Variants in PLEKHA2 observed in about 807,000 individuals in gnomAD.
The protein encoded by PLEKHA2 is pleckstrin homology domain-containing family A member 2.
A neutral mutation model predicts 53.2 loss-of-function variants in PLEKHA2; 28 were observed. That is an observed-to-expected ratio of 0.53 (90% confidence interval 0.39 to 0.72). The LOEUF is 0.72. PLEKHA2 is among the 30% of genes least tolerant of loss of function. PLEKHA2 has a pLI of 0.00. For synonymous variants in PLEKHA2, 193 were observed against 196.4 expected, an observed-to-expected ratio of 0.98 and a Z score of 0.14; for missense variants, 426 against 537.9, an observed-to-expected ratio of 0.79 and a Z score of 2.06.
chr8:38,949,733 TTTC>T (rs1834790417), intron 5 of PLEKHA2, among the ~76,000 whole-genome samples: 1 of 152,232 alleles, frequency 6.6e-6, no homozygotes, highest in Non-Finnish European at 1.5e-5. Context: ...GTAATATGTT[TTTC>T]TTTTTAGTTG....
rs1434993035 is a variant in PLEKHA2 at position 38,970,797 on chromosome 8, T to A, written c.*1014T>A. 1 of 152,216 alleles carries A rather than the reference T, an allele frequency of 6.6e-6. No individual in the cohort carries two copies. The highest frequency in any genetic ancestry group is 2.4e-5 in the African/African-American group (1 of 41,436). 9.4% of individuals were successfully genotyped at this position (152,216 alleles called of 1,614,324 possible). A position where few individuals can be genotyped will look rare whatever the true frequency, so the allele number is the denominator to read the frequency against. On this transcript the variant is annotated 3_prime_UTR_variant, in exon 12 of 12. Transcript: ENST00000617275. ...AGGGCAACAAGAGTGAAACTCCGTC[T>A]CAAAATATAAAAGAAAATTGAGTGT...
intron 1 of PLEKHA2, among the ~76,000 whole-genome samples, chr8:38,909,466 T>C (rs1387136002): frequency 2.0e-5 from 1 of 49,564 alleles, no homozygotes; most frequent in African/African-American, 7.8e-5. Flanking sequence ...TCAGCCCCTC[T>C]ATGCCTCTGT....
At chr8:38,951,067 C>T in intron 6 of PLEKHA2, 77 bp downstream of exon 6, 3 of 1,195,620 alleles carry the variant, frequency 2.5e-6, no homozygotes, top group Non-Finnish European at 3.4e-6. Context: ...GTGCTCGGAG[C>T]ACTGTACTGG....
At chr8:38,907,659 G>C (rs1833897027) in intron 1 of PLEKHA2, among the ~76,000 whole-genome samples, 1 of 151,784 alleles carries the variant, frequency 6.6e-6, no homozygotes, top group African/African-American at 2.4e-5. Context: ...CACTCAGGAG[G>C]CTGAGGTGGG....
At chr8:38,936,359 G>A (rs372366599) in intron 3 of PLEKHA2, among the ~76,000 whole-genome samples, 16 of 152,326 alleles carry the variant, frequency 1.1e-4, no homozygotes, top group Middle Eastern at 3.4e-3. Flanking sequence ...GGTAGTACAT[G>A]ATCCATGACC....
intron 1 of PLEKHA2, among the ~76,000 whole-genome samples, chr8:38,908,489 A>C (rs1564100334): frequency 6.6e-6 from 1 of 152,230 alleles, no homozygotes; most frequent in African/African-American, 2.4e-5. Context: ...TCAGATTCAA[A>C]ACTTATACAC....
chr8:38,935,064 A>G (rs995713318), intron 2 of PLEKHA2, among the ~76,000 whole-genome samples: 1 of 151,974 alleles, frequency 6.6e-6, no homozygotes, highest in Admixed American at 6.6e-5. Flanking sequence ...CCCAGGCTGG[A>G]GTGCAGTGGT....
chr8:38,970,086 C>A lies in PLEKHA2; in HGVS notation c.*303C>A. 1 of 470,912 alleles carries A rather than the reference C, an allele frequency of 2.1e-6. No homozygotes were observed. The allele number at this position is 470,912 out of a possible 1,614,324, so 29.2% of individuals were successfully genotyped here. A position where few individuals can be genotyped will look rare whatever the true frequency, so the allele number is the denominator to read the frequency against. On this transcript the variant is annotated 3_prime_UTR_variant, in exon 12 of 12. Transcript: ENST00000617275. ...CTATTCTAACTATTCTGAGGTCTTC[C>A]TGGAGAGGGATTGTTTTAGCAGCTC... is the stretch of plus-strand genomic sequence containing the variant.
At chr8:38,939,780 A>C (rs527744816) in intron 3 of PLEKHA2, among the ~76,000 whole-genome samples, 47 of 152,260 alleles carry the variant, frequency 3.1e-4, no homozygotes, top group Non-Finnish European at 5.3e-4. Context: ...CCAGTTTTTC[A>C]ATGTCATTCT....
intron 2 of PLEKHA2, among the ~76,000 whole-genome samples, chr8:38,928,662 T>A (rs1028169695): frequency 6.6e-6 from 1 of 152,176 alleles, no homozygotes; most frequent in Non-Finnish European, 1.5e-5. Flanking sequence ...AAGCTGATAC[T>A]GGTGTCTGTC....
intron 3 of PLEKHA2, among the ~76,000 whole-genome samples, chr8:38,940,649 G>C (rs967932305): frequency 1.6e-5 from 1 of 64,446 alleles, no homozygotes; most frequent in African/African-American, 5.6e-5. Context: ...GATTGAAGGG[G>C]CGGGGGGGGG....
At chr8:38,956,061 C>T (rs192836738) in intron 9 of PLEKHA2, among the ~76,000 whole-genome samples, 547 of 152,304 alleles carry the variant, frequency 3.6e-3, no homozygotes, top group South Asian at 9.9e-3. Context: ...CTGCCTTGGC[C>T]TCCCAAAGTG....
At chr8:38,920,307 C>G (rs1159072601) in intron 2 of PLEKHA2, among the ~76,000 whole-genome samples, 5 of 152,200 alleles carry the variant, frequency 3.3e-5, no homozygotes, top group South Asian at 4.2e-4. Flanking sequence ...CCCGCCACCA[C>G]GCCCAGCTAA....
chr8:38,950,731 G>A (rs752166149), intron 5 of PLEKHA2, 119 bp from the exon 6 acceptor site: 66 of 1,282,626 alleles, frequency 5.1e-5, no homozygotes, highest in Middle Eastern at 2.1e-4. Context: ...GGGAGGACAC[G>A]CAAGTCTGAC....
chr8:38,912,956 C>G (rs914292239), intron 1 of PLEKHA2, among the ~76,000 whole-genome samples: 1 of 152,160 alleles, frequency 6.6e-6, no homozygotes, highest in African/African-American at 2.4e-5. Context: ...AACCTGAATG[C>G]TTATCTTTCC....
intron 1 of PLEKHA2, among the ~76,000 whole-genome samples, chr8:38,912,716 C>G (rs1487092484): frequency 6.6e-6 from 1 of 152,210 alleles, no homozygotes; most frequent in African/African-American, 2.4e-5. Context: ...AATGAACCAT[C>G]AGAGGATTAG....
chr8:38,914,748 C>T (rs769086907), intron 1 of PLEKHA2, among the ~76,000 whole-genome samples: 9 of 152,194 alleles, frequency 5.9e-5, no homozygotes, highest in South Asian at 2.1e-4. Flanking sequence ...GGCCAATCTT[C>T]GTTGGGGAGC....
At chr8:38,911,288 G>T (rs1263932472) in intron 1 of PLEKHA2, among the ~76,000 whole-genome samples, 1 of 151,980 alleles carries the variant, frequency 6.6e-6, no homozygotes, top group African/African-American at 2.4e-5. Flanking sequence ...CCAGGCTGGG[G>T]TGCAGTGGCA....
intron 2 of PLEKHA2, among the ~76,000 whole-genome samples, chr8:38,920,389 C>T (rs1394906060): frequency 1.3e-5 from 2 of 152,040 alleles, no homozygotes; most frequent in African/African-American, 4.8e-5. Context: ...CTCCTGACCT[C>T]CTTATCTGCC....
Sources: gnomAD v4.1 joint callset for allele counts (sites outside exome capture counted in the v4.1 genomes callset) on GRCh38, gnomAD v4.1.1 for gene constraint, MANE v1.5 for transcripts, NCBI Gene and HGNC (gene_info 2026-07-23, HGNC 2026-07-21) for gene names.